The following TMC2 variants were observed in gnomAD, a reference collection of about 807,000 sequenced individuals.
The protein encoded by TMC2 is transmembrane channel-like protein 2.
In TMC2, 102 loss-of-function variants were observed where a neutral mutation model predicts 105.9. The observed-to-expected ratio is 0.96, with a 90% CI of 0.82 to 1.14. The LOEUF (loss-of-function observed/expected upper bound fraction) is 1.14, where lower values mean the gene tolerates loss of function less well. TMC2 is among the 50% of genes most tolerant of loss of function. The pLI, the probability that TMC2 is intolerant of heterozygous loss-of-function variation, is 0.00. For synonymous variants in TMC2, 402 were observed against 422.8 expected (o/e 0.95, Z 0.60); for missense variants, 1,093 against 1,134.3 (o/e 0.96, Z 0.52).
At chr20:2,597,027 T>A (rs1221978479) in intron 9 of TMC2, 124 bp from the exon 10 acceptor site, 12 of 1,053,424 alleles carry the variant, frequency 1.1e-5, no homozygotes, top group Non-Finnish European at 1.4e-5. Context: ...TGGCTTGTTT[T>A]GTCACTGAAT....
At position 2,558,259 on chromosome 20, in the gene TMC2, C is replaced by T. The variant is rs995470005; in HGVS notation, c.83-197C>T. Reference sequence around the variant, plus strand: ...AGGCCAGAGAGTGACCTTCCTGCTTCTGCAGTTTTCTTAGTTTCCTTCAGC... The same window carrying T: ...AGGCCAGAGAGTGACCTTCCTGCTTTTGCAGTTTTCTTAGTTTCCTTCAGC... On this transcript the variant is annotated intron_variant, in intron 2 of 19. Transcript: ENST00000358864. This position sits in a 1 kb window ranked among gnomAD's most constrained non-coding sequence, Gnocchi z 4.6. 10 of 1,332,706 alleles carry T rather than the reference C, an allele frequency of 7.5e-6. No individual in the cohort carries two copies. In the African/African-American group the frequency reaches 1.5e-4, roughly 20 times the overall value. The allele number at this position is 1,332,706 out of a possible 1,614,324, so 82.6% of individuals were successfully genotyped here.
intron 5 of TMC2, among the ~76,000 whole-genome samples, chr20:2,574,914 C>T (rs2086132827): frequency 2.0e-5 from 3 of 151,800 alleles, no homozygotes; most frequent in Admixed American, 2.0e-4. Context: ...TTAGTAGATG[C>T]GATGTTTCAC....
intron 17 of TMC2, among the ~76,000 whole-genome samples, chr20:2,635,153 T>C (rs144770176): frequency 3.3e-4 from 50 of 152,316 alleles, no homozygotes; most frequent in African/African-American, 1.1e-3. Flanking sequence ...GTCCAGGTCA[T>C]AACCCCAGAC....
Position 2,610,493 on chromosome 20 carries a change from C to T in TMC2, c.1488C>T (p.Tyr496=), listed in dbSNP as rs2086428200. 6.2e-7 allele frequency: 1 copy of T among 1,613,800 alleles called. No homozygotes were observed. The highest frequency in any genetic ancestry group is 1.1e-5 in the South Asian group (1 of 91,044). ...AAACCATCGCTGCCCTGGAGAATTA[C>T]CACCCACGCACTGGACTGAAGTGGC... is the stretch of plus-strand genomic sequence containing the variant. The part of the protein sequence containing the change: ...LFETIAALEN[Y]HPRTGLKWQL... The change falls in exon 12 of 20, where the codon TAC becomes TAT. Residue 496 remains tyrosine, a synonymous_variant. Coordinates refer to ENST00000358864, the MANE Select transcript of TMC2 (RefSeq NM_080751.3).
intron 5 of TMC2, 94 bp from the exon 6 acceptor site, chr20:2,579,052 C>T (rs2146196977): frequency 1.4e-6 from 1 of 712,528 alleles, no homozygotes; most frequent in East Asian, 2.8e-5. Flanking sequence ...CTGACTCATG[C>T]TGACCTGTCG....
chr20:2,611,620 C>A (rs2086438853), intron 12 of TMC2, among the ~76,000 whole-genome samples: 1 of 152,206 alleles, frequency 6.6e-6, no homozygotes, highest in Non-Finnish European at 1.5e-5. Flanking sequence ...GAATTTCTCA[C>A]AGCTCGTATC....
At chr20:2,623,124 G>A (rs2086537694) in intron 16 of TMC2, among the ~76,000 whole-genome samples, 1 of 152,050 alleles carries the variant, frequency 6.6e-6, no homozygotes, top group South Asian at 2.1e-4. Flanking sequence ...CTTGAAATGT[G>A]TAACTAAGAA....
At position 2,592,112 on chromosome 20, in the gene TMC2, AT is replaced by A. The variant is rs1437166802; in HGVS notation, c.835-196del. Among the ~76,000 whole-genome samples the A allele has an allele frequency of 6.6e-6, 1 of 152,216 alleles. No homozygotes were observed. The highest frequency in any genetic ancestry group is 2.4e-5 in the African/African-American group (1 of 41,462). On this transcript the variant is annotated intron_variant, in intron 7 of 19. Coordinates refer to ENST00000358864, the MANE Select transcript of TMC2 (RefSeq NM_080751.3). This position sits in a 1 kb window ranked among gnomAD's most constrained non-coding sequence, Gnocchi z 4.9. Reference sequence around the variant, plus strand: ...GGTTACAGTAAGCTGAGACTGTGCTATTGCACTCCAGCCTGGGTGACAAGAG... The same window carrying A: ...GGTTACAGTAAGCTGAGACTGTGCTATGCACTCCAGCCTGGGTGACAAGAG...
rs1466419287 is a variant in TMC2, at chr20:2,561,921, G to C, written c.465G>C (p.Gln155His). 1 of 1,614,148 alleles carries C rather than the reference G, an allele frequency of 6.2e-7. No individual in the cohort carries two copies. Residue 155 changes from glutamine (Q) to histidine (H), a missense_variant, in exon 4 of 20, where the codon CAG (glutamine) becomes CAC (histidine). Coordinates refer to ENST00000358864, the MANE Select transcript of TMC2 (RefSeq NM_080751.3). Reference sequence around the variant, plus strand: ...CCCTGTCCGAGGAGGAACTGGCCCAGATCCTGGAGCAGGTGGAAGAAAAAA... The same window carrying C: ...CCCTGTCCGAGGAGGAACTGGCCCACATCCTGGAGCAGGTGGAAGAAAAAA... ...GESLSEEELA[Q>H]ILEQVEEKKK...
At position 2,548,755 on chromosome 20, in the gene TMC2, G is replaced by A. The variant is rs549343484; in HGVS notation, c.83-9701G>A. Among the ~76,000 whole-genome samples the A allele has an allele frequency of 2.6e-5, 4 of 152,176 alleles. No individual in the cohort carries two copies. In the South Asian group the frequency reaches 8.3e-4, roughly 32 times the overall value. The stretch of plus-strand genomic sequence containing the variant: ...AAAAATCTTGGGAATTAATTTCCAA[G>A]CTGGCATACTACAAAATATAATTAC... On this transcript the variant is annotated intron_variant, in intron 2 of 19. Transcript: ENST00000358864.
intron 2 of TMC2, among the ~76,000 whole-genome samples, chr20:2,541,967 G>T (rs193005541): frequency 6.6e-6 from 1 of 151,980 alleles, no homozygotes; most frequent in Non-Finnish European, 1.5e-5. Context: ...AACGGTCTTT[G>T]TGTCCTCCCC....
chr20:2,559,471 C>A (rs2086010272), intron 3 of TMC2, among the ~76,000 whole-genome samples: 1 of 152,142 alleles, frequency 6.6e-6, no homozygotes, highest in African/African-American at 2.4e-5. Flanking sequence ...TCTCTCTTTG[C>A]CTCCCTTTTT....
At chr20:2,568,434 A>ATGGTAGG (rs1282153457) in intron 4 of TMC2, among the ~76,000 whole-genome samples, 7 of 152,172 alleles carry the variant, frequency 4.6e-5, no homozygotes, top group Non-Finnish European at 8.8e-5. Context: ...GTTTGCAACT[A>ATGGTAGG]GCCTTTGGTA....
rs963673622 is a variant in TMC2 at position 2,643,538 on chromosome 20, AAACAT to A, written c.*2192_*2196del. Among the ~76,000 whole-genome samples the A allele has an allele frequency of 6.6e-6, 1 of 152,246 alleles. No individual in the cohort carries two copies. Among genetic ancestry groups the A allele is most frequent in the Admixed American group, 6.5e-5 (1 of 15,282 alleles). ...AATGCTGCATAACAAATTATTCCCA[AAACAT>A]AACAGCCTAAAACAATAAACAATTA... On this transcript the variant is annotated 3_prime_UTR_variant, in exon 20 of 20. Transcript: ENST00000358864.
At chr20:2,584,456 A>G (rs1394407608) in intron 7 of TMC2, among the ~76,000 whole-genome samples, 9 of 151,774 alleles carry the variant, frequency 5.9e-5, no homozygotes, top group Non-Finnish European at 8.8e-5. Flanking sequence ...AAAAAAAAAA[A>G]AAAAGAAAAG....
At chr20:2,595,587 T>A (rs1214728379) in intron 9 of TMC2, among the ~76,000 whole-genome samples, 1 of 152,250 alleles carries the variant, frequency 6.6e-6, no homozygotes, top group East Asian at 1.9e-4. Flanking sequence ...AACTCTTAAT[T>A]CCTATTCTCT....
chr20:2,623,636 T>C (rs1231993981), intron 16 of TMC2, among the ~76,000 whole-genome samples: 1 of 152,034 alleles, frequency 6.6e-6, no homozygotes, highest in Non-Finnish European at 1.5e-5. Context: ...TCAAACCCCG[T>C]ATTCCACCTC....
At position 2,608,342 on chromosome 20, in the gene TMC2, A is replaced by ATTATTG. The variant is rs1171627673; in HGVS notation, c.1414-2075_1414-2074insATTGTT. ...TATTATTATTATTATTATTATTATT[A>ATTATTG]TTTGAGATGAAGTCTTGCTCTGTCA... On this transcript the variant is annotated intron_variant, in intron 11 of 19. Transcript: ENST00000358864. 3.5e-5 allele frequency among the ~76,000 whole-genome samples: 5 copies of ATTATTG among 142,456 alleles called. No homozygotes were observed. In the East Asian group the frequency reaches 1.0e-3, roughly 29 times the overall value. 93.5% of individuals were successfully genotyped at this position (142,456 alleles called of 152,430 possible). A position where few individuals can be genotyped will look rare whatever the true frequency, so the allele number is the denominator to read the frequency against.
intron 6 of TMC2, among the ~76,000 whole-genome samples, chr20:2,579,704 G>A (rs540262627): frequency 3.3e-5 from 5 of 152,070 alleles, no homozygotes; most frequent in African/African-American, 4.8e-5. Flanking sequence ...GATTACAGAC[G>A]TGAGCCACCG....
Sources: gnomAD v4.1 joint callset for allele counts (sites outside exome capture counted in the v4.1 genomes callset) on GRCh38, gnomAD v4.1.1 for gene constraint, Gnocchi (gnomAD v3.1) non-coding constraint, MANE v1.5 for transcripts, NCBI Gene and HGNC (gene_info 2026-07-23, HGNC 2026-07-21) for gene names.